Variants in GRM5 observed in about 807,000 individuals in gnomAD.
GRM5 encodes the protein metabotropic glutamate receptor 5.
In GRM5, 19 loss-of-function variants were observed where a neutral mutation model predicts 83.1. That is an observed-to-expected ratio of 0.23 (90% confidence interval 0.16 to 0.34). The LOEUF is 0.34. GRM5 is among the 10% of genes least tolerant of loss of function. GRM5 has a pLI of 1.00. For missense variants in GRM5, 1,160 were observed against 1,588.3 expected (o/e 0.73, Z 4.58); for synonymous variants, 675 against 633.6 (o/e 1.07, Z -0.98).
intron 3 of GRM5, among the ~76,000 whole-genome samples, chr11:88,737,660 G>T (rs573076370): frequency 4.9e-4 from 75 of 152,066 alleles, no homozygotes; most frequent in African/African-American, 1.8e-3. Context: ...AGAACATTTT[G>T]TGATATTTTT....
In GRM5 at chr11:88,507,918, G is replaced by A. The variant is rs957354948; in HGVS notation, c.*674C>T. On this transcript the variant is annotated 3_prime_UTR_variant, in exon 10 of 10. Coordinates refer to ENST00000305447, the MANE Select transcript of GRM5 (RefSeq NM_001143831.3). ...ATCCCCGATGCAGGCTTTTGGAAGA[G>A]TATTTCACAACCCAATTGGAGAGGA... is the stretch of plus-strand genomic sequence containing the variant. 1 of 152,540 alleles carries A rather than the reference G, an allele frequency of 6.6e-6. No individual in the cohort carries two copies. Among genetic ancestry groups the A allele is most frequent in the Non-Finnish European group, 1.5e-5 (1 of 68,034 alleles). 9.4% of individuals were successfully genotyped at this position (152,540 alleles called of 1,614,324 possible). A position where few individuals can be genotyped will look rare whatever the true frequency, so the allele number is the denominator to read the frequency against.
At chr11:89,032,869 A>T (rs1365062543) in intron 2 of GRM5, among the ~76,000 whole-genome samples, 2 of 152,072 alleles carry the variant, frequency 1.3e-5, no homozygotes, top group African/African-American at 4.8e-5. Context: ...TCTGAAACTT[A>T]ATGAATATTG....
At chr11:88,752,046 A>G (rs1159777124) in intron 3 of GRM5, among the ~76,000 whole-genome samples, 1 of 152,232 alleles carries the variant, frequency 6.6e-6, no homozygotes, top group African/African-American at 2.4e-5. Flanking sequence ...TGGCCACAAG[A>G]CAATGATGCC....
intron 2 of GRM5, among the ~76,000 whole-genome samples, chr11:88,952,886 A>T (rs1180138565): frequency 6.6e-6 from 1 of 152,234 alleles, no homozygotes; most frequent in Non-Finnish European, 1.5e-5. Flanking sequence ...TCTGTAAAAC[A>T]TCTTCTAAAA....
At chr11:88,981,930 T>C (rs1939536866) in intron 2 of GRM5, among the ~76,000 whole-genome samples, 1 of 152,216 alleles carries the variant, frequency 6.6e-6, no homozygotes, top group South Asian at 2.1e-4. Context: ...TATCTTAATA[T>C]TGATCAGCCA....
Position 88,590,671 on chromosome 11 carries a change from A to G in GRM5, c.1620T>C (p.Asn540=). 1 of 1,608,516 alleles carries G rather than the reference A, an allele frequency of 6.2e-7. No homozygotes were observed. The highest frequency in any genetic ancestry group is 8.5e-7 in the Non-Finnish European group (1 of 1,174,966). ...ATGTGTACTCATCAAAGACATACTC[A>G]TTCTCCTTACAAGGTGTACAGGTCC... ...CCWTCTPCKE[N]EYVFDEYTCK... Residue 540 remains asparagine, a synonymous_variant, in exon 7 of 10, where the codon AAT becomes AAC. Transcript: ENST00000305447.
intron 3 of GRM5, among the ~76,000 whole-genome samples, chr11:88,667,308 T>G (rs1940070903): frequency 6.6e-6 from 1 of 151,986 alleles, no homozygotes; most frequent in Non-Finnish European, 1.5e-5. Context: ...AAAAAGAGAA[T>G]AGAGTAGAAA....
Position 88,881,334 on chromosome 11 carries a change from A to G in GRM5, c.662-31179T>C, listed in dbSNP as rs78609980. Among the ~76,000 whole-genome samples the G allele has an allele frequency of 8.0e-3, 1,216 of 152,068 alleles. 21 individuals carry two copies. Among genetic ancestry groups the G allele is most frequent in the African/African-American group, 0.027 (1,134 of 41,518 alleles). On this transcript the variant is annotated intron_variant, in intron 2 of 9. Transcript: ENST00000305447. ...AACCATAATAGGCCTAAAAAAAAAA[A>G]AACTGTCACCTTGATTTCTTCAACT...
At chr11:88,528,520 T>C (rs924616349) in intron 8 of GRM5, among the ~76,000 whole-genome samples, 12 of 152,052 alleles carry the variant, frequency 7.9e-5, no homozygotes, top group African/African-American at 2.7e-4. Flanking sequence ...TTTAGAAATA[T>C]GGAATTGTCA....
At chr11:88,777,795 C>A (rs1942888374) in intron 3 of GRM5, among the ~76,000 whole-genome samples, 1 of 152,124 alleles carries the variant, frequency 6.6e-6, no homozygotes, top group Non-Finnish European at 1.5e-5. Context: ...TGCAGAACAG[C>A]AAATATTGCT....
chr11:88,591,162 T>C (rs1937632783), intron 6 of GRM5, among the ~76,000 whole-genome samples: 1 of 152,182 alleles, frequency 6.6e-6, no homozygotes, highest in African/African-American at 2.4e-5. Flanking sequence ...GCAAAAAACA[T>C]TGTATATTTC....
chr11:88,957,893 TCTAA>T (rs1190524004), intron 2 of GRM5, among the ~76,000 whole-genome samples: 1 of 152,164 alleles, frequency 6.6e-6, no homozygotes, highest in Admixed American at 6.5e-5. Flanking sequence ...ATTAGAAATC[TCTAA>T]CTGTGCATAG....
intron 2 of GRM5, among the ~76,000 whole-genome samples, chr11:88,927,151 G>A (rs1295387465): frequency 2.6e-5 from 4 of 152,052 alleles, no homozygotes; most frequent in African/African-American, 4.8e-5. Flanking sequence ...TTAGCGGAAT[G>A]CTCAAAAACT....
intron 1 of GRM5, among the ~76,000 whole-genome samples, chr11:89,057,642 T>C (rs952949117): frequency 9.9e-5 from 15 of 152,210 alleles, no homozygotes; most frequent in African/African-American, 3.4e-4. Context: ...CACTGTTAAC[T>C]AGTCTCAGTT....
chr11:88,992,148 A>G (rs1939999070), intron 2 of GRM5, among the ~76,000 whole-genome samples: 1 of 152,214 alleles, frequency 6.6e-6, no homozygotes, highest in South Asian at 2.1e-4. Context: ...AGAACCTACA[A>G]TGAACTCAAA....
chr11:88,848,109 T>G (rs1187325892), intron 3 of GRM5, among the ~76,000 whole-genome samples: 1 of 152,192 alleles, frequency 6.6e-6, no homozygotes, highest in African/African-American at 2.4e-5. Flanking sequence ...TCTGTTATTT[T>G]TACTGCAGTG....
At chr11:88,685,349 A>G (rs567352855) in intron 3 of GRM5, among the ~76,000 whole-genome samples, 6 of 152,364 alleles carry the variant, frequency 3.9e-5, no homozygotes, top group African/African-American at 1.4e-4. Context: ...TCTAAGCAGC[A>G]AAGCATTCAA....
At chr11:89,002,412 A>T (rs1028744544) in intron 2 of GRM5, among the ~76,000 whole-genome samples, 2 of 151,926 alleles carry the variant, frequency 1.3e-5, no homozygotes, top group African/African-American at 4.8e-5. Flanking sequence ...CTGGCTTCCT[A>T]AAAAAAACTC....
chr11:88,529,518 T>A (rs1440008069), intron 8 of GRM5, among the ~76,000 whole-genome samples: 1 of 151,790 alleles, frequency 6.6e-6, no homozygotes, highest in Non-Finnish European at 1.5e-5. Context: ...AAGTATAAAA[T>A]AGGAGGTCAA....
Sources: gnomAD v4.1 joint callset for allele counts (sites outside exome capture counted in the v4.1 genomes callset) on GRCh38, gnomAD v4.1.1 for gene constraint, MANE v1.5 for transcripts, NCBI Gene and HGNC (gene_info 2026-07-23, HGNC 2026-07-21) for gene names.